ATG14: variants seen among roughly 807,000 people sequenced by gnomAD.
The protein encoded by ATG14 is beclin 1-associated autophagy-related key regulator.
A neutral mutation model predicts 60.4 loss-of-function variants in ATG14; 35 were observed. The observed-to-expected ratio is 0.58, with a 90% CI of 0.44 to 0.77. The LOEUF (loss-of-function observed/expected upper bound fraction) is 0.77, where lower values mean the gene tolerates loss of function less well. Among genes scored for constraint, ATG14 ranks in the 30% least tolerant of loss-of-function variants. The pLI, the probability that ATG14 is intolerant of heterozygous loss-of-function variation, is 0.00. For missense variants in ATG14, 647 were observed against 626.3 expected (o/e 1.03, Z -0.35); for synonymous variants, 234 against 228.8 (o/e 1.02, Z -0.21).
intron 1 of ATG14, among the ~76,000 whole-genome samples, chr14:55,405,428 T>A (rs1885472987): frequency 6.6e-6 from 1 of 152,212 alleles, no homozygotes; most frequent in Non-Finnish European, 1.5e-5. Flanking sequence ...TCAGTGAAGG[T>A]AATGTGGCAT....
chr14:55,402,229 C>G (rs1194246873), intron 1 of ATG14, among the ~76,000 whole-genome samples: 1 of 152,176 alleles, frequency 6.6e-6, no homozygotes, highest in Admixed American at 6.5e-5. Context: ...ACTCTCACCC[C>G]TCCACCTGCC....
chr14:55,378,278 C>A (rs1480524553), intron 7 of ATG14, among the ~76,000 whole-genome samples: 4 of 152,222 alleles, frequency 2.6e-5, no homozygotes, highest in African/African-American at 7.2e-5. Context: ...AATGCACATA[C>A]CCTTTGACCA....
intron 6 of ATG14, 21 bp from the exon 7 acceptor site, chr14:55,380,711 C>T (rs1176891006): frequency 6.6e-7 from 1 of 1,516,718 alleles, no homozygotes; most frequent in African/African-American, 1.4e-5. Flanking sequence ...AAAACAACCA[C>T]CATGTACAAA....
chr14:55,384,203 A>G (rs1885084271), intron 5 of ATG14, among the ~76,000 whole-genome samples: 1 of 152,222 alleles, frequency 6.6e-6, no homozygotes, highest in East Asian at 1.9e-4. Flanking sequence ...CATACACTAA[A>G]TAAAAGATTA....
intron 3 of ATG14, among the ~76,000 whole-genome samples, chr14:55,394,657 C>A (rs547008674): frequency 2.0e-5 from 3 of 152,050 alleles, no homozygotes; most frequent in African/African-American, 7.2e-5. Context: ...ACAGAGTGCA[C>A]GAAATTCTGA....
intron 1 of ATG14, among the ~76,000 whole-genome samples, chr14:55,405,323 A>G (rs1260668612): frequency 1.3e-5 from 2 of 152,192 alleles, no homozygotes; most frequent in Non-Finnish European, 2.9e-5. Context: ...AATAATATTT[A>G]AATTTCTTCC....
chr14:55,373,866 G>T (rs1159629125), intron 9 of ATG14, among the ~76,000 whole-genome samples: 1 of 151,446 alleles, frequency 6.6e-6, no homozygotes, highest in Non-Finnish European at 1.5e-5. Flanking sequence ...GGTCTGAACA[G>T]AAACAGGAAA....
chr14:55,371,400 CAAT>C (rs1156944212), intron 9 of ATG14, among the ~76,000 whole-genome samples: 1 of 152,100 alleles, frequency 6.6e-6, no homozygotes, highest in Non-Finnish European at 1.5e-5. Flanking sequence ...ATGGATTAAG[CAAT>C]AATAATAGCT....
chr14:55,378,994 G>A (rs1594777426), intron 7 of ATG14, among the ~76,000 whole-genome samples: 1 of 152,122 alleles, frequency 6.6e-6, no homozygotes, highest in Non-Finnish European at 1.5e-5. Flanking sequence ...AGGCAGGCAT[G>A]AGCCACCATA....
Position 55,367,978 on chromosome 14 carries a change from A to G in ATG14, c.*1641T>C, listed in dbSNP as rs1485936037. On this transcript the variant is annotated 3_prime_UTR_variant, in exon 10 of 10. Coordinates refer to ENST00000247178, the MANE Select transcript of ATG14 (RefSeq NM_014924.5). ...ATGAGAAAAGAAGCTGGGGCATGGC[A>G]AACCTCTGAATGATTTATCAGAGGT... 6.6e-6 allele frequency: 1 copy of G among 152,664 alleles called. No individual in the cohort carries two copies. The highest frequency in any genetic ancestry group is 1.5e-5 in the Non-Finnish European group (1 of 68,042). 9.5% of individuals were successfully genotyped at this position (152,664 alleles called of 1,614,324 possible). A position where few individuals can be genotyped will look rare whatever the true frequency, so the allele number is the denominator to read the frequency against.
In ATG14 at chr14:55,411,762, GCCGGGGCCCGCA is replaced by G. The variant is rs1566588144; in HGVS notation, c.49_60del (p.Cys17_Arg20del). 1 of 1,606,134 alleles carries G rather than the reference GCCGGGGCCCGCA, an allele frequency of 6.2e-7. No individual in the cohort carries two copies. On this transcript the variant is annotated inframe_deletion, in exon 1 of 10. Coordinates refer to ENST00000247178, the MANE Select transcript of ATG14 (RefSeq NM_014924.5). The stretch of plus-strand genomic sequence containing the variant: ...GAGTCCACCAGGTCCCGGGCGAGCG[GCCGGGGCCCGCA>G]GCCAGGAGCCTCCAGCGCCCGGGCT...
At chr14:55,376,900 T>C (rs757998231) in intron 9 of ATG14, among the ~76,000 whole-genome samples, 7 of 152,230 alleles carry the variant, frequency 4.6e-5, no homozygotes, top group Non-Finnish European at 1.0e-4. Flanking sequence ...CATGCTTTCA[T>C]GGGCTGAGAG....
chr14:55,390,522 C>T lies in ATG14; in HGVS notation c.409+389G>A, dbSNP rs375700460. Reference sequence around the variant, plus strand: ...CCAAGTAGCTGGGACTACAGGCACCCGCCACCACACCCAGCTAAGTTTTTG... The same window carrying T: ...CCAAGTAGCTGGGACTACAGGCACCTGCCACCACACCCAGCTAAGTTTTTG... On this transcript the variant is annotated intron_variant, in intron 4 of 9. Coordinates refer to ENST00000247178, the MANE Select transcript of ATG14 (RefSeq NM_014924.5). Among the ~76,000 whole-genome samples the T allele has an allele frequency of 4.6e-5, 7 of 151,912 alleles. No individual in the cohort carries two copies. The East Asian group carries it at 7.8e-4, about 17-fold the overall frequency.
chr14:55,389,303 G>A (rs1885175790), intron 4 of ATG14, among the ~76,000 whole-genome samples: 1 of 151,888 alleles, frequency 6.6e-6, no homozygotes, highest in Non-Finnish European at 1.5e-5. Context: ...AAGACGGGGA[G>A]AGCATGAACT....
At chr14:55,406,880 T>C (rs1055316502) in intron 1 of ATG14, among the ~76,000 whole-genome samples, 2 of 152,196 alleles carry the variant, frequency 1.3e-5, no homozygotes, top group Admixed American at 6.5e-5. Flanking sequence ...ATTTTTCTGC[T>C]TGGTCAGGAA....
At chr14:55,387,657 G>T (rs1024883367) in intron 4 of ATG14, among the ~76,000 whole-genome samples, 2 of 152,042 alleles carry the variant, frequency 1.3e-5, no homozygotes, top group Non-Finnish European at 2.9e-5. Context: ...TTGGTTGCAC[G>T]CATTAGATTT....
In ATG14 at chr14:55,380,706, A is replaced by G. The variant is rs199717021; in HGVS notation, c.878-16T>C. ...TGCTCCATGTCTGCAGTAAGAAAAC[A>G]ACCACCATGTACAAAACCTTAATTC... On this transcript the variant is annotated splice_polypyrimidine_tract_variant and intron_variant, in intron 6 of 9. Transcript: ENST00000247178. 2 of 1,539,362 alleles carry G rather than the reference A, an allele frequency of 1.3e-6. No homozygotes were observed. The highest frequency in any genetic ancestry group is 2.4e-5 in the South Asian group (2 of 84,292).
At position 55,381,965 on chromosome 14, in the gene ATG14, G is replaced by A; in HGVS notation, c.874C>T (p.Pro292Ser). Residue 292 changes from proline (P) to serine (S), a missense_variant, in exon 6 of 10, where the codon CCT becomes TCT. Pro to Ser is a moderately conservative substitution (Grantham distance 74, BLOSUM62 -1). Coordinates refer to ENST00000247178, the MANE Select transcript of ATG14 (RefSeq NM_014924.5). Reference protein sequence around the residue: ...WVEEKKTTQGPDMEQSNPAYT... With the variant: ...WVEEKKTTQGSDMEQSNPAYT... Reference sequence around the variant, plus strand: ...CAAAGGATATGCTGCTTCTCACCAGGCCCCTGGGTTGTTTTCTTCTCCTCC... The same window carrying A: ...CAAAGGATATGCTGCTTCTCACCAGACCCCTGGGTTGTTTTCTTCTCCTCC... The A allele has an allele frequency of 6.2e-7, 1 of 1,612,484 alleles. No individual in the cohort carries two copies. Among genetic ancestry groups the A allele is most frequent in the Non-Finnish European group, 8.5e-7 (1 of 1,178,562 alleles).
Position 55,368,638 on chromosome 14 carries a change from G to A in ATG14, c.*981C>T, listed in dbSNP as rs1884739522. 6.6e-6 allele frequency: 1 copy of A among 152,012 alleles called. No homozygotes were observed. The highest frequency in any genetic ancestry group is 2.1e-4 in the South Asian group (1 of 4,828). The allele number at this position is 152,012 out of a possible 1,614,324, so 9.4% of individuals were successfully genotyped here. On this transcript the variant is annotated 3_prime_UTR_variant, in exon 10 of 10. Coordinates refer to ENST00000247178, the MANE Select transcript of ATG14 (RefSeq NM_014924.5). ...TCCTCAGAGCAACAAAGAGTTCGGG[G>A]AAACAAGTAGGATGGTTTCCCCTGA...
Sources: gnomAD v4.1 joint callset for allele counts (sites outside exome capture counted in the v4.1 genomes callset) on GRCh38, gnomAD v4.1.1 for gene constraint, MANE v1.5 for transcripts, NCBI Gene and HGNC (gene_info 2026-07-23, HGNC 2026-07-21) for gene names.